TRPA1: variants seen among roughly 807,000 people sequenced by gnomAD.
The protein encoded by TRPA1 is ankyrin-like with transmembrane domains 1.
In TRPA1, 129 loss-of-function variants were observed where a neutral mutation model predicts 131.3. The ratio of observed to expected loss-of-function variants is 0.98; its 90% CI spans 0.85 to 1.14. The LOEUF is 1.14. Ranked by LOEUF, TRPA1 falls within the 50% of genes most tolerant of loss-of-function variation. The probability of loss-of-function intolerance (pLI) is 0.00; values close to 1 mark genes in which losing one functional copy is unlikely to be tolerated. For synonymous variants in TRPA1, 441 were observed against 451.7 expected (o/e 0.98, Z 0.30); for missense variants, 1,304 against 1,354.2 (o/e 0.96, Z 0.58).
chr8:72,039,769 A>C lies in TRPA1; in HGVS notation c.2090T>G (p.Leu697Arg), dbSNP rs774569972. The C allele has an allele frequency of 1.9e-6, 3 of 1,610,378 alleles. No individual in the cohort carries two copies. Among genetic ancestry groups the C allele is most frequent in the East Asian group, 2.2e-5 (1 of 44,676 alleles). The change falls in exon 18 of 27, where the codon CTT (leucine) becomes CGT (arginine). Residue 697 changes from leucine (L) to arginine (R), a missense_variant. Leu to Arg is a moderately radical substitution (Grantham distance 102). Transcript: ENST00000262209. ...TTCTTTACACACAGGATGATTGAGA[A>C]GCTCTATGCGGTTATTTTGTACCAT... Reference protein sequence around the residue: ...NAMVQNNRIELLNHPVCKEYL... With the variant: ...NAMVQNNRIERLNHPVCKEYL...
Position 72,075,544 on chromosome 8 carries a change from A to G in TRPA1, c.-135T>C. 5.4e-6 allele frequency: 4 copies of G among 744,010 alleles called. No homozygotes were observed. Among genetic ancestry groups the G allele is most frequent in the South Asian group, 4.5e-5 (3 of 67,098 alleles). 46.1% of individuals were successfully genotyped at this position (744,010 alleles called of 1,614,324 possible). On this transcript the variant is annotated 5_prime_UTR_variant, in exon 1 of 27. Coordinates refer to ENST00000262209, the MANE Select transcript of TRPA1 (RefSeq NM_007332.3). ...CTCTCCCGCGCTGCAGCTCACAGGC[A>G]GCGAAAAAGTCGCTCTGCGGAAGCC...
chr8:72,059,347 T>C (rs1451727767), intron 8 of TRPA1, 43 bp downstream of exon 8: 3 of 1,270,674 alleles, frequency 2.4e-6, no homozygotes, highest in African/African-American at 3.1e-5. Flanking sequence ...ATTTCTTAAA[T>C]TATAAATAGT....
At chr8:72,055,930 G>A (rs1432919408) in intron 10 of TRPA1, 75 bp from the exon 11 acceptor site, 4 of 1,493,390 alleles carry the variant, frequency 2.7e-6, no homozygotes, top group Non-Finnish European at 3.7e-6. Context: ...CTATTCTGTA[G>A]GAAAATATTT....
At position 72,052,624 on chromosome 8, in the gene TRPA1, C is replaced by A. The variant is rs1225669803; in HGVS notation, c.1786G>T (p.Val596Phe). ...LALHNKRKEV[V>F]LTIIRSKRWD... is the part of the protein sequence containing the mutation. ...CTTTTGCTCCTGATGATCGTAAGAA[C>A]AACCTCCTTCCTCTTATTGTGAAGT... The change falls in exon 14 of 27, where the codon GTT (valine) becomes TTT (phenylalanine). Residue 596 changes from valine to phenylalanine, a missense_variant. By Grantham distance (50) the Val-to-Phe change is conservative. Transcript: ENST00000262209. 1.2e-6 allele frequency: 2 copies of A among 1,613,634 alleles called. No individual in the cohort carries two copies. The highest frequency in any genetic ancestry group is 4.5e-5 in the East Asian group (2 of 44,868).
chr8:72,065,403 A>C, intron 4 of TRPA1, 48 bp downstream of exon 4: 1 of 1,359,802 alleles, frequency 7.4e-7, no homozygotes, highest in Non-Finnish European at 1.0e-6. Context: ...TCCATGTTGT[A>C]TTCATGAAAA....
chr8:72,042,407 A>G (rs529572874), intron 17 of TRPA1, among the ~76,000 whole-genome samples: 8 of 151,928 alleles, frequency 5.3e-5, no homozygotes, highest in South Asian at 4.1e-4. Context: ...AAAAGAACAA[A>G]AAATAACAAG....
intron 4 of TRPA1, among the ~76,000 whole-genome samples, chr8:72,063,964 A>G (rs974772678): frequency 5.9e-5 from 9 of 152,164 alleles, no homozygotes; most frequent in African/African-American, 1.7e-4. Context: ...AAATTAATAA[A>G]TGAATGTGCC....
rs1806154548 is a variant in TRPA1, at chr8:72,075,398, GCTGCGCTTCATTGA to G, written c.-3_11del. On this transcript the variant is annotated start_lost and 5_prime_UTR_variant, in exon 1 of 27. Coordinates refer to ENST00000262209, the MANE Select transcript of TRPA1 (RefSeq NM_007332.3). ...CTCCAGGGCGCCACATCTTCCTCAG[GCTGCGCTTCATTGA>G]CCCCACCCCGGACGCCACCTGGTGC... is the stretch of plus-strand genomic sequence containing the variant. 6.2e-7 allele frequency: 1 copy of G among 1,608,822 alleles called. No individual in the cohort carries two copies. Among genetic ancestry groups the G allele is most frequent in the African/African-American group, 1.3e-5 (1 of 74,956 alleles).
intron 24 of TRPA1, 164 bp downstream of exon 24, chr8:72,029,737 A>G: frequency 1.3e-6 from 1 of 751,676 alleles, no homozygotes; most frequent in South Asian, 1.6e-5. Context: ...CCAGTCAGCC[A>G]CATGATCAGG....
the TRPA1 span, among the ~76,000 whole-genome samples, chr8:72,081,310 T>G: frequency 6.6e-6 from 1 of 151,872 alleles, no homozygotes; most frequent in African/African-American, 2.4e-5. Flanking sequence ...CCAAATTTAT[T>G]TCTGTTGTTG....
intron 18 of TRPA1, 123 bp from the exon 19 acceptor site, chr8:72,039,150 A>G (rs1304009147): frequency 1.1e-5 from 10 of 936,426 alleles, no homozygotes; most frequent in Non-Finnish European, 1.7e-5. Flanking sequence ...ACTGAAGCTT[A>G]AGATCAAGTA....
At chr8:72,044,650 T>C (rs1337038871) in intron 17 of TRPA1, among the ~76,000 whole-genome samples, 1 of 152,012 alleles carries the variant, frequency 6.6e-6, no homozygotes, top group Non-Finnish European at 1.5e-5. Flanking sequence ...AAATAGCCTC[T>C]CACTGGCTCC....
At chr8:72,038,165 T>G (rs2129433867) in intron 19 of TRPA1, 93 bp from the exon 20 acceptor site, 1 of 717,012 alleles carries the variant, frequency 1.4e-6, no homozygotes, top group East Asian at 2.8e-5. Context: ...TTTTTTCTTT[T>G]TTTTTTGCTT....
intron 3 of TRPA1, among the ~76,000 whole-genome samples, chr8:72,065,871 A>G (rs1805919383): frequency 6.6e-6 from 1 of 152,184 alleles, no homozygotes; most frequent in Admixed American, 6.5e-5. Flanking sequence ...GTAGTAAGTG[A>G]AGTTATGTTA....
chr8:72,033,836 G>T lies in TRPA1; in HGVS notation c.2686-10C>A. 6.2e-7 allele frequency: 1 copy of T among 1,613,254 alleles called. No individual in the cohort carries two copies. On this transcript the variant is annotated splice_polypyrimidine_tract_variant and intron_variant, in intron 22 of 26. Transcript: ENST00000262209. ...GAGAGCTGAAGGGATCCTGAAAGCAGACGGTGAGGTACAAATGAAATGCAA... is the reference window on the plus strand; with the variant it reads ...GAGAGCTGAAGGGATCCTGAAAGCATACGGTGAGGTACAAATGAAATGCAA...
chr8:72,065,690 C>A, intron 3 of TRPA1, 132 bp from the exon 4 acceptor site: 1 of 698,782 alleles, frequency 1.4e-6, no homozygotes, highest in Non-Finnish European at 2.6e-6. Context: ...TTCTCTCACA[C>A]AATCTGGCAC....
At chr8:72,082,473 G>T in the TRPA1 span, among the ~76,000 whole-genome samples, 2 of 152,002 alleles carry the variant, frequency 1.3e-5, no homozygotes, top group African/African-American at 4.8e-5. Flanking sequence ...TATTCTAATA[G>T]ATTTGAGTTA....
intron 24 of TRPA1, among the ~76,000 whole-genome samples, chr8:72,027,571 C>A (rs1007027309): frequency 1.3e-5 from 2 of 152,140 alleles, no homozygotes; most frequent in Non-Finnish European, 2.9e-5. Context: ...ATAACACCTG[C>A]CCCTGAAGAA....
At chr8:72,055,883 A>G in intron 10 of TRPA1, 28 bp from the exon 11 acceptor site, 1 of 1,608,162 alleles carries the variant, frequency 6.2e-7, no homozygotes, top group Non-Finnish European at 8.5e-7. Flanking sequence ...TATCATACAA[A>G]TAACTCTGCT....
Sources: allele counts gnomAD v4.1 joint callset (sites outside exome capture counted in the v4.1 genomes callset), GRCh38; gene constraint gnomAD v4.1.1; transcripts MANE v1.5; gene names NCBI Gene and HGNC (gene_info 2026-07-23, HGNC 2026-07-21).